ERBB4: variants seen among roughly 807,000 people sequenced by gnomAD.
ERBB4 encodes receptor tyrosine-protein kinase erbB-4.
A neutral mutation model predicts 158.0 loss-of-function variants in ERBB4; 42 were observed. The observed-to-expected ratio is 0.27, with a 90% CI of 0.21 to 0.34. The LOEUF (loss-of-function observed/expected upper bound fraction) is 0.34, where lower values mean the gene tolerates loss of function less well. Among genes scored for constraint, ERBB4 ranks in the 10% least tolerant of loss-of-function variants. The pLI is 1.00. For missense variants in ERBB4, 1,333 were observed against 1,624.1 expected, an observed-to-expected ratio of 0.82 and a Z score of 3.08; for synonymous variants, 583 against 558.7, an observed-to-expected ratio of 1.04 and a Z score of -0.61.
chr2:211,989,415 G>A (rs1442718270), intron 2 of ERBB4, among the ~76,000 whole-genome samples: 2 of 151,718 alleles, frequency 1.3e-5, no homozygotes, highest in Non-Finnish European at 2.9e-5. Flanking sequence ...GACAACTGCT[G>A]CCCAACACTG....
chr2:211,993,587 TC>T (rs1231630325), intron 2 of ERBB4, among the ~76,000 whole-genome samples: 3 of 151,646 alleles, frequency 2.0e-5, no homozygotes, highest in Non-Finnish European at 2.9e-5. Context: ...ATTTTTTTTT[TC>T]ATCCTAGATA....
At chr2:211,558,260 T>C (rs1210128061) in intron 20 of ERBB4, among the ~76,000 whole-genome samples, 1 of 152,170 alleles carries the variant, frequency 6.6e-6, no homozygotes, top group Non-Finnish European at 1.5e-5. Context: ...TTCCTTATCA[T>C]TTCCAGCTTC....
intron 1 of ERBB4, among the ~76,000 whole-genome samples, chr2:212,226,984 G>T (rs185127493): frequency 6.6e-6 from 1 of 152,056 alleles, no homozygotes; most frequent in East Asian, 1.9e-4. Context: ...AATGGCTCAC[G>T]CCTGTAATCC....
At chr2:212,010,820 G>A (rs1055141848) in intron 2 of ERBB4, among the ~76,000 whole-genome samples, 12 of 152,094 alleles carry the variant, frequency 7.9e-5, no homozygotes, top group African/African-American at 1.9e-4. Flanking sequence ...CAGAGGGGCC[G>A]TTTATAGACC....
intron 2 of ERBB4, among the ~76,000 whole-genome samples, chr2:212,108,471 T>TAAAG (rs550941025): frequency 6.6e-6 from 1 of 152,214 alleles, no homozygotes; most frequent in Non-Finnish European, 1.5e-5. Flanking sequence ...AATGCAGTTT[T>TAAAG]AAAGAAAGAA....
intron 3 of ERBB4, among the ~76,000 whole-genome samples, chr2:211,866,420 A>T (rs1241478126): frequency 6.6e-6 from 1 of 152,134 alleles, no homozygotes. Context: ...TGCCTGCCTT[A>T]AATGTTTTAT....
chr2:211,630,335 T>C, intron 17 of ERBB4, 127 bp downstream of exon 17: 1 of 1,099,798 alleles, frequency 9.1e-7, no homozygotes, highest in South Asian at 1.3e-5. Flanking sequence ...TAACGGACTA[T>C]AAAATAAAAA....
intron 2 of ERBB4, among the ~76,000 whole-genome samples, chr2:212,120,365 C>T (rs181155821): frequency 6.6e-6 from 1 of 152,192 alleles, no homozygotes; most frequent in African/African-American, 2.4e-5. Context: ...TGTGTGAGGT[C>T]ACACTGAAAT....
intron 1 of ERBB4, among the ~76,000 whole-genome samples, chr2:212,373,788 CGTATATATATCCATATATATATCCAT>C (rs2090174509): frequency 1.1e-5 from 1 of 88,942 alleles, no homozygotes; most frequent in South Asian, 4.3e-4. Context: ...TATATATCCA[CGTATATATATCCATATATATATCCAT>C]GTATATATCC....
chr2:212,032,276 G>A (rs2076920877), intron 2 of ERBB4, among the ~76,000 whole-genome samples: 1 of 151,988 alleles, frequency 6.6e-6, no homozygotes, highest in South Asian at 2.1e-4. Context: ...CCATGTTGTG[G>A]TTATAGTGCA....
At chr2:211,392,773 A>G (rs527240177) in intron 25 of ERBB4, among the ~76,000 whole-genome samples, 177 of 152,100 alleles carry the variant, frequency 1.2e-3, no homozygotes, top group Middle Eastern at 3.4e-3. Context: ...GGTTCAAGCA[A>G]TTCTCTGCCT....
chr2:211,503,214 C>T (rs776019734), intron 20 of ERBB4, among the ~76,000 whole-genome samples: 2 of 152,132 alleles, frequency 1.3e-5, no homozygotes, highest in Admixed American at 1.3e-4. Context: ...CCCCAAAAGG[C>T]TTCAGTGAGC....
At chr2:212,419,220 C>T (rs1198057845) in intron 1 of ERBB4, among the ~76,000 whole-genome samples, 1 of 151,504 alleles carries the variant, frequency 6.6e-6, no homozygotes, top group Non-Finnish European at 1.5e-5. Flanking sequence ...TTTTTCAGAC[C>T]AGACAGATAA....
At chr2:212,031,926 C>T (rs552741650) in intron 2 of ERBB4, among the ~76,000 whole-genome samples, 40 of 152,070 alleles carry the variant, frequency 2.6e-4, no homozygotes, top group African/African-American at 8.2e-4. Flanking sequence ...CTGCACAATC[C>T]CTGGTGAGTT....
intron 15 of ERBB4, among the ~76,000 whole-genome samples, chr2:211,663,536 T>C (rs2071510965): frequency 6.6e-6 from 1 of 152,156 alleles, no homozygotes; most frequent in Non-Finnish European, 1.5e-5. Flanking sequence ...ATTTTGTTGC[T>C]ACCATAAACT....
At chr2:212,190,005 T>G (rs1181116159) in intron 1 of ERBB4, among the ~76,000 whole-genome samples, 1 of 152,202 alleles carries the variant, frequency 6.6e-6, no homozygotes, top group Non-Finnish European at 1.5e-5. Context: ...CTTTTTATAA[T>G]AAAGCCTACT....
At chr2:211,769,124 T>A (rs1475435183) in intron 4 of ERBB4, among the ~76,000 whole-genome samples, 2 of 152,184 alleles carry the variant, frequency 1.3e-5, no homozygotes, top group African/African-American at 4.8e-5. Context: ...AAGTTCAAAG[T>A]TCCCCAGGTC....
chr2:212,205,226 T>C (rs2082711307), intron 1 of ERBB4, among the ~76,000 whole-genome samples: 1 of 152,004 alleles, frequency 6.6e-6, no homozygotes, highest in African/African-American at 2.4e-5. Flanking sequence ...AGTGGCACGA[T>C]CTCTGCTCAC....
At chr2:211,719,195 C>T (rs2074017438) in intron 7 of ERBB4, among the ~76,000 whole-genome samples, 1 of 152,212 alleles carries the variant, frequency 6.6e-6, no homozygotes, top group African/African-American at 2.4e-5. Context: ...ATGTTAAAAA[C>T]ATTTTCATTG....
Sources: allele counts gnomAD v4.1 joint callset (sites outside exome capture counted in the v4.1 genomes callset), GRCh38; gene constraint gnomAD v4.1.1; transcripts MANE v1.5; gene names NCBI Gene and HGNC (gene_info 2026-07-23, HGNC 2026-07-21).